Variants in SNTB1 observed in about 807,000 individuals in gnomAD.
The protein encoded by SNTB1 is syntrophin beta 1.
SNTB1 carries 36 observed loss-of-function variants against 48.9 expected under a neutral mutation model. That is an observed-to-expected ratio of 0.74 (90% CI 0.56 to 0.97). The LOEUF is 0.97. Among genes scored for constraint, SNTB1 ranks in the 50% least tolerant of loss-of-function variants. The pLI, the probability that SNTB1 is intolerant of heterozygous loss-of-function variation, is 0.00. For missense variants in SNTB1, 786 were observed against 703.4 expected, an observed-to-expected ratio of 1.12 and a Z score of -1.33; for synonymous variants, 299 against 294.6, an observed-to-expected ratio of 1.01 and a Z score of -0.15.
chr8:120,724,242 AC>A (rs1336478190), intron 1 of SNTB1, among the ~76,000 whole-genome samples: 1 of 152,124 alleles, frequency 6.6e-6, no homozygotes, highest in African/African-American at 2.4e-5. Context: ...GCTCTTGTAC[AC>A]TCTGACAAAG....
chr8:120,773,624 A>G (rs1013147520), intron 1 of SNTB1, among the ~76,000 whole-genome samples: 1 of 152,226 alleles, frequency 6.6e-6, no homozygotes, highest in African/African-American at 2.4e-5. Context: ...AAATGTGTAA[A>G]CAAATAATTA....
intron 5 of SNTB1, among the ~76,000 whole-genome samples, chr8:120,542,441 G>T (rs1296873646): frequency 6.6e-6 from 1 of 152,146 alleles, no homozygotes; most frequent in African/African-American, 2.4e-5. Flanking sequence ...ATCACTTGAG[G>T]TCAGGAGTTC....
intron 1 of SNTB1, among the ~76,000 whole-genome samples, chr8:120,747,378 T>A (rs1819142757): frequency 6.6e-6 from 1 of 152,112 alleles, no homozygotes; most frequent in African/African-American, 2.4e-5. Context: ...GTAACCACCA[T>A]CTCCAGGGTT....
At chr8:120,603,371 G>C (rs906460481) in intron 3 of SNTB1, among the ~76,000 whole-genome samples, 6 of 152,168 alleles carry the variant, frequency 3.9e-5, no homozygotes, top group African/African-American at 1.4e-4. Flanking sequence ...AAAGTGCTGG[G>C]ATTACAGGCG....
At chr8:120,628,273 A>C (rs1816917889) in intron 3 of SNTB1, among the ~76,000 whole-genome samples, 1 of 152,234 alleles carries the variant, frequency 6.6e-6, no homozygotes, top group African/African-American at 2.4e-5. Context: ...TGTTTTTCTA[A>C]GTAGCAAGAG....
chr8:120,735,312 C>A (rs1221728791), intron 1 of SNTB1, among the ~76,000 whole-genome samples: 1 of 152,086 alleles, frequency 6.6e-6, no homozygotes, highest in African/African-American at 2.4e-5. Flanking sequence ...GAAAACAAGA[C>A]ACCAAAGAAA....
intron 1 of SNTB1, among the ~76,000 whole-genome samples, chr8:120,708,828 TA>T (rs1818417877): frequency 6.6e-6 from 1 of 152,188 alleles, no homozygotes; most frequent in Non-Finnish European, 1.5e-5. Context: ...CTTAACTTCC[TA>T]AAGACTATCC....
chr8:120,693,582 G>T, intron 2 of SNTB1, 110 bp downstream of exon 2: 1 of 864,904 alleles, frequency 1.2e-6, no homozygotes, highest in Non-Finnish European at 1.9e-6. Flanking sequence ...GCTTTTCTTT[G>T]GAAGCCATGA....
chr8:120,566,635 A>G (rs566807400), intron 4 of SNTB1, among the ~76,000 whole-genome samples: 1 of 152,340 alleles, frequency 6.6e-6, no homozygotes, highest in South Asian at 2.1e-4. Context: ...AATCTTCTAA[A>G]TCAATAGTTC....
chr8:120,715,001 C>A (rs1004319714), intron 1 of SNTB1, among the ~76,000 whole-genome samples: 1 of 152,190 alleles, frequency 6.6e-6, no homozygotes, highest in African/African-American at 2.4e-5. Flanking sequence ...TACATAATAG[C>A]ACAAATTGGA....
rs1815873950 is a variant in SNTB1, at chr8:120,572,567, G to T, written c.1136+2519C>A. Among the ~76,000 whole-genome samples the T allele has an allele frequency of 2.0e-5, 3 of 152,048 alleles. No homozygotes were observed. The South Asian group carries it at 6.2e-4, about 32-fold the overall frequency. On this transcript the variant is annotated intron_variant, in intron 4 of 6. Transcript: ENST00000517992. ...TTTTGGGATATAAGCTTTCAAAGAG[G>T]GGGACAAGGATACAACACATTAAAA...
At chr8:120,559,273 G>A (rs1815615367) in intron 4 of SNTB1, among the ~76,000 whole-genome samples, 1 of 152,138 alleles carries the variant, frequency 6.6e-6, no homozygotes, top group South Asian at 2.1e-4. Flanking sequence ...TAGTAACTTG[G>A]TTGTTTAGGG....
intron 3 of SNTB1, among the ~76,000 whole-genome samples, chr8:120,580,355 T>G (rs1165920299): frequency 2.0e-5 from 3 of 152,234 alleles, no homozygotes; most frequent in Non-Finnish European, 4.4e-5. Flanking sequence ...ACAGCTTACT[T>G]AAGTGCTCTA....
At chr8:120,654,526 T>C (rs1026741143) in intron 2 of SNTB1, among the ~76,000 whole-genome samples, 1 of 152,148 alleles carries the variant, frequency 6.6e-6, no homozygotes, top group Non-Finnish European at 1.5e-5. Flanking sequence ...TCCACCACAG[T>C]TATGTAAATA....
chr8:120,608,676 C>T (rs956295716), intron 3 of SNTB1, among the ~76,000 whole-genome samples: 1 of 152,162 alleles, frequency 6.6e-6, no homozygotes, highest in African/African-American at 2.4e-5. Context: ...CAAACTAATT[C>T]AGCTTCTATA....
At chr8:120,736,884 T>C (rs10094047) in intron 1 of SNTB1, among the ~76,000 whole-genome samples, 4,836 of 152,284 alleles carry the variant, frequency 0.032, 95 homozygotes, top group Non-Finnish European at 0.048. Context: ...ATGTCTTACC[T>C]GTGTCTTAGC....
chr8:120,702,204 G>C (rs1818319065), intron 1 of SNTB1, among the ~76,000 whole-genome samples: 1 of 152,162 alleles, frequency 6.6e-6, no homozygotes, highest in African/African-American at 2.4e-5. Context: ...CAGTACACAT[G>C]TGCCTGTTGC....
chr8:120,768,199 G>A (rs1197030406), intron 1 of SNTB1, among the ~76,000 whole-genome samples: 2 of 152,130 alleles, frequency 1.3e-5, no homozygotes, highest in African/African-American at 4.8e-5. Flanking sequence ...TATCCCACCT[G>A]TACATGATGT....
At chr8:120,800,568 A>C (rs971853722) in intron 1 of SNTB1, among the ~76,000 whole-genome samples, 1 of 152,096 alleles carries the variant, frequency 6.6e-6, no homozygotes, top group Admixed American at 6.6e-5. Context: ...ATGGTCATGC[A>C]TCAGACCTAG....
Sources: allele counts gnomAD v4.1 joint callset (sites outside exome capture counted in the v4.1 genomes callset), GRCh38; gene constraint gnomAD v4.1.1; transcripts MANE v1.5; gene names NCBI Gene and HGNC (gene_info 2026-07-23, HGNC 2026-07-21).